The following UTRN variants were observed in gnomAD, a reference collection of about 807,000 sequenced individuals.
UTRN encodes utrophin.
A neutral mutation model predicts 463.9 loss-of-function variants in UTRN; 283 were observed. The observed-to-expected ratio is 0.61, with a 90% confidence interval of 0.55 to 0.67. The LOEUF (loss-of-function observed/expected upper bound fraction) is 0.67. Among genes scored for constraint, UTRN ranks in the 30% least tolerant of loss-of-function variants. The probability of loss-of-function intolerance (pLI) is 0.00; values close to 1 mark genes in which losing one functional copy is unlikely to be tolerated. For synonymous variants in UTRN, 1,442 were observed against 1,431.5 expected (o/e 1.01, Z -0.17); for missense variants, 3,922 against 4,084.3 (o/e 0.96, Z 1.08).
At chr6:144,772,865 G>A (rs1267960459) in intron 59 of UTRN, among the ~76,000 whole-genome samples, 43 of 151,818 alleles carry the variant, frequency 2.8e-4, no homozygotes, top group Admixed American at 2.8e-3. Context: ...TTTCTCTTTG[G>A]GTAGCTAAGG....
intron 36 of UTRN, 109 bp from the exon 37 acceptor site, chr6:144,514,541 T>TG: frequency 8.5e-7 from 1 of 1,174,670 alleles, no homozygotes; most frequent in Non-Finnish European, 1.2e-6. Flanking sequence ...AATCTCTTAC[T>TG]GGGGATCCCA....
At chr6:144,509,306 C>T (rs768092065) in intron 34 of UTRN, among the ~76,000 whole-genome samples, 14 of 151,756 alleles carry the variant, frequency 9.2e-5, no homozygotes, top group Non-Finnish European at 1.6e-4. Flanking sequence ...ATATACTTTT[C>T]GGTTTTTTTA....
intron 61 of UTRN, among the ~76,000 whole-genome samples, chr6:144,784,388 T>G (rs1776124321): frequency 6.6e-6 from 1 of 152,214 alleles, no homozygotes; most frequent in Admixed American, 6.5e-5. Context: ...CCACTCTTTC[T>G]GGTCTGCAGA....
At chr6:144,292,811 G>T (rs1415490094) in intron 2 of UTRN, among the ~76,000 whole-genome samples, 1 of 152,158 alleles carries the variant, frequency 6.6e-6, no homozygotes, top group Non-Finnish European at 1.5e-5. Context: ...CCCAAAGCCT[G>T]TTTTTGCTGT....
intron 2 of UTRN, among the ~76,000 whole-genome samples, chr6:144,374,400 G>T (rs1417205855): frequency 6.6e-6 from 1 of 152,016 alleles, no homozygotes; most frequent in Non-Finnish European, 1.5e-5. Context: ...CCAGCACTTT[G>T]GGAGGCCAAG....
At position 144,751,883 on chromosome 6, in the gene UTRN, T is replaced by C; in HGVS notation, c.8286T>C (p.Leu2762=). 3 of 1,612,858 alleles carry C rather than the reference T, an allele frequency of 1.9e-6. No homozygotes were observed. The highest frequency in any genetic ancestry group is 2.5e-6 in the Non-Finnish European group (3 of 1,179,370). Residue 2762 remains leucine (L), a synonymous_variant, in exon 56 of 75, where the codon CTT becomes CTC. Transcript: ENST00000367545. The part of the protein sequence containing the change: ...VNDLSSQLSP[L]DLHPSLKMSR... The stretch of plus-strand genomic sequence containing the variant: ...ATTTATCCAGTCAGCTGTCTCCACT[T>C]GACCTGCATCCCTCTCTAAAGATGT...
rs762482384 is a variant in UTRN at position 144,802,956 on chromosome 6, G to A, written c.9246-80G>A. The A allele has an allele frequency of 4.7e-4, 460 of 985,836 alleles. 3 individuals are homozygous for A. Among genetic ancestry groups the A allele is most frequent in the East Asian group, 2.6e-4 (9 of 34,658 alleles). 61.1% of individuals were successfully genotyped at this position (985,836 alleles called of 1,614,324 possible). On this transcript the variant is annotated intron_variant, in intron 64 of 74. Transcript: ENST00000367545. ...TTTATATTTTATTTTTTGGTAATTC[G>A]GATGAATGAAATTTCTTACCACAAA...
At chr6:144,732,885 T>G (rs1036062716) in intron 54 of UTRN, among the ~76,000 whole-genome samples, 2 of 152,134 alleles carry the variant, frequency 1.3e-5, no homozygotes, top group Non-Finnish European at 2.9e-5. Flanking sequence ...AAAGTTTTTG[T>G]AGAGATGGAA....
intron 52 of UTRN, among the ~76,000 whole-genome samples, chr6:144,683,790 G>C (rs1032773925): frequency 6.6e-6 from 1 of 152,040 alleles, no homozygotes; most frequent in African/African-American, 2.4e-5. Flanking sequence ...GACACCAAAC[G>C]GCCTGAATAC....
chr6:144,808,104 ATCC>A (rs1313491741), intron 65 of UTRN, among the ~76,000 whole-genome samples: 1 of 152,152 alleles, frequency 6.6e-6, no homozygotes, highest in Non-Finnish European at 1.5e-5. Context: ...GTTTGTGTAT[ATCC>A]TTGCTGGAAT....
chr6:144,596,640 C>T (rs954622262), intron 51 of UTRN, among the ~76,000 whole-genome samples: 2 of 151,958 alleles, frequency 1.3e-5, no homozygotes, highest in African/African-American at 4.8e-5. Flanking sequence ...GAAGGTGGTT[C>T]CAAAAATTAA....
chr6:144,631,891 A>C (rs1314620044), intron 51 of UTRN, among the ~76,000 whole-genome samples: 1 of 152,224 alleles, frequency 6.6e-6, no homozygotes, highest in Non-Finnish European at 1.5e-5. Context: ...AATGGAGGCT[A>C]AATTTTCCAT....
intron 2 of UTRN, among the ~76,000 whole-genome samples, chr6:144,389,927 G>C (rs553221696): frequency 6.6e-6 from 1 of 152,268 alleles, no homozygotes; most frequent in South Asian, 2.1e-4. Flanking sequence ...TAATAATTCA[G>C]TAGTCCAGTC....
chr6:144,824,498 ATGTATATAT>A (rs201857008), intron 66 of UTRN, among the ~76,000 whole-genome samples: 13,844 of 140,082 alleles, frequency 0.099, 1,123 homozygotes, highest in East Asian at 0.43. Flanking sequence ...TACAATAAAT[ATGTATATAT>A]TGTATATATA....
At position 144,577,111 on chromosome 6, in the gene UTRN, A is replaced by G. The variant is rs750178558; in HGVS notation, c.7302A>G (p.Arg2434=). The change falls in exon 51 of 75, where the codon AGA becomes AGG. Residue 2434 remains arginine, a synonymous_variant. Coordinates refer to ENST00000367545, the MANE Select transcript of UTRN (RefSeq NM_007124.3). ...TTGTTACTTTCAGTATTGCTGACAG[A>G]CAGAACGCCTTGGAGGCTGAGTGGA... is the stretch of plus-strand genomic sequence containing the variant. The part of the protein sequence containing the change: ...WINLKQSIAD[R]QNALEAEWRT... 6.2e-7 allele frequency: 1 copy of G among 1,613,628 alleles called. No individual in the cohort carries two copies. Among genetic ancestry groups the G allele is most frequent in the Non-Finnish European group, 8.5e-7 (1 of 1,179,722 alleles).
At position 144,438,915 on chromosome 6, in the gene UTRN, C is replaced by G. The variant is rs1203233532; in HGVS notation, c.1392+20C>G. The G allele has an allele frequency of 1.2e-6, 2 of 1,611,828 alleles. No homozygotes were observed. The highest frequency in any genetic ancestry group is 2.7e-5 in the African/African-American group (2 of 74,978). The stretch of plus-strand genomic sequence containing the variant: ...CATAAAGTAAATCTGTCTCATATTT[C>G]TTCGATACCTTATCAAATATGAAAG... On this transcript the variant is annotated intron_variant, in intron 12 of 74. Transcript: ENST00000367545.
intron 25 of UTRN, among the ~76,000 whole-genome samples, chr6:144,477,872 T>C (rs1791403302): frequency 1.7e-5 from 2 of 120,288 alleles, no homozygotes; most frequent in Admixed American, 1.8e-4. Context: ...TTTGTATCTC[T>C]ATCTATCTAT....
At chr6:144,569,718 C>T (rs1282545660) in intron 50 of UTRN, among the ~76,000 whole-genome samples, 2 of 152,244 alleles carry the variant, frequency 1.3e-5, no homozygotes, top group Admixed American at 6.5e-5. Context: ...ATCAGAGATA[C>T]AATGAGGAAG....
intron 50 of UTRN, among the ~76,000 whole-genome samples, chr6:144,563,690 A>G (rs900495237): frequency 7.9e-5 from 12 of 152,082 alleles, no homozygotes; most frequent in Non-Finnish European, 1.6e-4. Flanking sequence ...CTTTGCTAGG[A>G]TTTGATTTTT....
Sources: gnomAD v4.1 joint callset for allele counts (sites outside exome capture counted in the v4.1 genomes callset) on GRCh38, gnomAD v4.1.1 for gene constraint, MANE v1.5 for transcripts, NCBI Gene and HGNC (gene_info 2026-07-23, HGNC 2026-07-21) for gene names.